The following STOML1 variants were observed in gnomAD, a reference collection of about 807,000 sequenced individuals.
The protein encoded by STOML1 is stomatin like 1.
A neutral mutation model predicts 35.7 loss-of-function variants in STOML1; 27 were observed. That is an observed-to-expected ratio of 0.76 (90% CI 0.56 to 1.04). STOML1 has a LOEUF of 1.04. STOML1 is among the 50% of genes least tolerant of loss of function. STOML1 has a pLI of 0.00. For synonymous variants in STOML1, 219 were observed against 227.9 expected (o/e 0.96, Z 0.35); for missense variants, 451 against 527.1 (o/e 0.86, Z 1.41).
In STOML1 at chr15:73,985,525, T is replaced by C. The variant is rs929000335; in HGVS notation, c.595-12A>G. 18 of 1,537,382 alleles carry C rather than the reference T, an allele frequency of 1.2e-5. No individual in the cohort carries two copies. Among genetic ancestry groups the C allele is most frequent in the Non-Finnish European group, 1.5e-5 (17 of 1,141,998 alleles). On this transcript the variant is annotated splice_polypyrimidine_tract_variant and intron_variant, in intron 4 of 6. Coordinates refer to ENST00000541638, the MANE Select transcript of STOML1 (RefSeq NM_004809.5). ...TCGTTGATCTCCAGCTGGAGGACAG[T>C]GTGAGGAGAAATGTAATTAATTCAA...
At chr15:73,990,305 C>G (rs2069229548) in intron 2 of STOML1, 46 bp downstream of exon 2, 1 of 1,570,226 alleles carries the variant, frequency 6.4e-7, no homozygotes, top group Non-Finnish European at 8.8e-7. Flanking sequence ...TGCCAAAGCT[C>G]TCAGTGTGGC....
At chr15:73,990,481 C>G in intron 1 of STOML1, 24 bp from the exon 2 acceptor site, 5 of 1,569,336 alleles carry the variant, frequency 3.2e-6, no homozygotes, top group Non-Finnish European at 4.3e-6. Context: ...CAGAGGTGGT[C>G]AACTGGACCT....
In STOML1 at chr15:73,988,711, T is replaced by A; in HGVS notation, c.482A>T (p.Asp161Val). The change falls in exon 4 of 7, where the codon GAC becomes GTC. Residue 161 changes from aspartate to valine, a missense_variant. Transcript: ENST00000541638. This position sits in a 1 kb window ranked among gnomAD's most constrained non-coding sequence, Gnocchi z 4.8. ...DPVLSVMTVK[D>V]LNTATRMTAQ... is the part of the protein sequence containing the mutation. ...TGTCATGCGTGTGGCTGTGTTCAGG[T>A]CTTTCACAGTCATCACCGACAGCAC... 1 of 1,614,082 alleles carries A rather than the reference T, an allele frequency of 6.2e-7. No homozygotes were observed. Among genetic ancestry groups the A allele is most frequent in the Non-Finnish European group, 8.5e-7 (1 of 1,180,014 alleles).
At chr15:73,984,918 T>C in intron 5 of STOML1, 47 bp from the exon 6 acceptor site, 1 of 1,607,266 alleles carries the variant, frequency 6.2e-7, no homozygotes, top group Non-Finnish European at 8.5e-7. Context: ...GAGGAGGTCA[T>C]CGTGTTGCCA....
intron 4 of STOML1, chr15:73,985,825 C>T (rs1340333616): frequency 6.3e-6 from 2 of 318,080 alleles, no homozygotes; most frequent in East Asian, 1.7e-4. Context: ...CTGGCATGTT[C>T]GTGGAGCTGC....
chr15:73,994,043 C>CA (rs2069363048), upstream of STOML1, among the ~76,000 whole-genome samples: 1 of 152,186 alleles, frequency 6.6e-6, no homozygotes, highest in South Asian at 2.1e-4. Flanking sequence ...CCTAGGTTGT[C>CA]AGAGTGACTG....
At chr15:73,993,845 C>G (rs892489623), upstream of STOML1, among the ~76,000 whole-genome samples, 21 of 152,236 alleles carry the variant, frequency 1.4e-4, no homozygotes, top group African/African-American at 4.8e-4. Context: ...TCCCCTCACC[C>G]TCTTCATACC....
At chr15:73,992,990 G>A (rs994719332), upstream of STOML1, among the ~76,000 whole-genome samples, 15 of 152,164 alleles carry the variant, frequency 9.9e-5, no homozygotes, top group Admixed American at 2.6e-4. Context: ...CTGGCATAGG[G>A]CAGGTCTCAA....
rs1306984896 is a variant in STOML1, at chr15:73,988,415, C to T, written c.594+184G>A. The T allele has an allele frequency of 2.9e-5, 20 of 695,278 alleles. No homozygotes were observed. Among genetic ancestry groups the T allele is most frequent in the Admixed American group, 5.8e-5 (2 of 34,492 alleles). 43.1% of individuals were successfully genotyped at this position (695,278 alleles called of 1,614,324 possible). A position where few individuals can be genotyped will look rare whatever the true frequency, so the allele number is the denominator to read the frequency against. ...GTTTGCCCAGGATCGTTATGGTCTA[C>T]GCCCACCTGCCATTCCTCAACTCAT... is the stretch of plus-strand genomic sequence containing the variant. On this transcript the variant is annotated intron_variant, in intron 4 of 6. Transcript: ENST00000541638. This position sits in a 1 kb window ranked among gnomAD's most constrained non-coding sequence, Gnocchi z 4.8.
In STOML1 at chr15:73,981,297, A is replaced by C. The variant is rs527918465; in HGVS notation, c.*2640T>G. Reference sequence around the variant, plus strand: ...CTTGAATCCGGGAGGTAGAGGTTGCAGTGAGCTGAGATTGTACTGTACTCT... The same window carrying C: ...CTTGAATCCGGGAGGTAGAGGTTGCCGTGAGCTGAGATTGTACTGTACTCT... On this transcript the variant is annotated 3_prime_UTR_variant, in exon 7 of 7. Transcript: ENST00000541638. 6.6e-6 allele frequency: 1 copy of C among 152,330 alleles called. No homozygotes were observed. 9.4% of individuals were successfully genotyped at this position (152,330 alleles called of 1,614,324 possible).
chr15:73,984,805 G>A lies in STOML1; in HGVS notation c.857C>T (p.Pro286Leu), dbSNP rs114392040. 4.0e-4 allele frequency: 639 copies of A among 1,614,100 alleles called. 3 individuals carry two copies. In the African/African-American group the frequency reaches 7.7e-3, roughly 19 times the overall value. ...PAPQVGARSS[P>L]KQPLAEGLLT... is the part of the protein sequence containing the mutation. ...TAGCCCCTCCGCCAGAGGCTGCTTCGGACTGGACCTGGCACCAACTTGAGG... is the reference window on the plus strand; with the variant it reads ...TAGCCCCTCCGCCAGAGGCTGCTTCAGACTGGACCTGGCACCAACTTGAGG... Residue 286 changes from proline (P) to leucine (L), a missense_variant, in exon 6 of 7, where the codon CCG becomes CTG. Transcript: ENST00000541638.
rs1378379513 is a variant in STOML1, at chr15:73,982,781, A to T, written c.*1156T>A. 1.3e-5 allele frequency: 2 copies of T among 152,234 alleles called. No homozygotes were observed. The allele number at this position is 152,234 out of a possible 1,614,324, so 9.4% of individuals were successfully genotyped here. ...CTGGGGCCCCTGGGGTTTGGGCGAG[A>T]GTACTGGAGCAGAAAGCAGGGCTGG... On this transcript the variant is annotated 3_prime_UTR_variant, in exon 7 of 7. Coordinates refer to ENST00000541638, the MANE Select transcript of STOML1 (RefSeq NM_004809.5).
Position 73,990,436 on chromosome 15 carries a change from G to A in STOML1, c.155C>T (p.Ser52Phe). ...ACTGATGAGGCCATGACAGAGGCAG[G>A]AGGGCCAGCTCTGGGGTACATCTGC... ...TGADVPQSWPSCLCHGLISFL... is the reference protein window; with the variant it reads ...TGADVPQSWPFCLCHGLISFL... Residue 52 changes from serine (S) to phenylalanine (F), a missense_variant, in exon 2 of 7, where the codon TCC becomes TTC. Transcript: ENST00000541638. The A allele has an allele frequency of 6.2e-7, 1 of 1,613,820 alleles. No individual in the cohort carries two copies. The highest frequency in any genetic ancestry group is 8.5e-7 in the Non-Finnish European group (1 of 1,179,844).
At chr15:73,992,348 C>A (rs1351780498), upstream of STOML1, 1 of 1,216,382 alleles carries the variant, frequency 8.2e-7, no homozygotes, top group Non-Finnish European at 1.1e-6. Flanking sequence ...CGCGGCGGCG[C>A]GGGCGCAGGA....
At chr15:73,990,773 A>G in intron 1 of STOML1, 1 of 1,518,180 alleles carries the variant, frequency 6.6e-7, no homozygotes. Flanking sequence ...TGGACTGAGT[A>G]GGGGTCAATC....
intron 6 of STOML1, 113 bp from the exon 7 acceptor site, chr15:73,984,243 G>T: frequency 1.7e-6 from 2 of 1,185,192 alleles, no homozygotes; most frequent in Non-Finnish European, 2.3e-6. Flanking sequence ...CTGGTTAAGA[G>T]TTTGGGTTCT....
chr15:73,991,872 G>A (rs1171907105), intron 1 of STOML1: 33 of 693,166 alleles, frequency 4.8e-5, no homozygotes, highest in Non-Finnish European at 7.3e-5. Context: ...GAGCAACGCT[G>A]GCTGGCTCTG....
chr15:73,979,189 A>G lies in STOML1; in HGVS notation c.*4748T>C, dbSNP rs1341853117. On this transcript the variant is annotated 3_prime_UTR_variant, in exon 7 of 7. Coordinates refer to ENST00000541638, the MANE Select transcript of STOML1 (RefSeq NM_004809.5). ...GTGAAATGTGATCAGCGGTTATGGA[A>G]AGGTCAGTGGCTGCTCAAAGCTGGA... 6.6e-6 allele frequency: 1 copy of G among 152,192 alleles called. No homozygotes were observed. The highest frequency in any genetic ancestry group is 1.5e-5 in the Non-Finnish European group (1 of 68,042). 9.4% of individuals were successfully genotyped at this position (152,192 alleles called of 1,614,324 possible). A position where few individuals can be genotyped will look rare whatever the true frequency, so the allele number is the denominator to read the frequency against.
chr15:73,992,020 G>T (rs1031086455), intron 1 of STOML1, 71 bp downstream of exon 1: 9 of 1,479,516 alleles, frequency 6.1e-6, no homozygotes, highest in Non-Finnish European at 8.1e-6. Flanking sequence ...CGACTCCTCG[G>T]AGGCAGAGAT....
Sources: gnomAD v4.1 joint callset for allele counts (sites outside exome capture counted in the v4.1 genomes callset) on GRCh38, gnomAD v4.1.1 for gene constraint, Gnocchi (gnomAD v3.1) non-coding constraint, MANE v1.5 for transcripts, NCBI Gene and HGNC (gene_info 2026-07-23, HGNC 2026-07-21) for gene names.